Variants in KDM4C observed in about 807,000 individuals in gnomAD.
The protein encoded by KDM4C is lysine demethylase 4C.
KDM4C carries 81 observed loss-of-function variants against 129.3 expected under a neutral mutation model. The observed-to-expected ratio is 0.63, with a 90% CI of 0.52 to 0.75. KDM4C has a LOEUF of 0.75. KDM4C is among the 30% of genes least tolerant of loss of function. The pLI is 0.00. For synonymous variants in KDM4C, 573 were observed against 456.1 expected, an observed-to-expected ratio of 1.26 and a Z score of -3.26; for missense variants, 1,457 against 1,304.0, an observed-to-expected ratio of 1.12 and a Z score of -1.81.
At chr9:6,819,871 T>G (rs1170054067) in intron 4 of KDM4C, among the ~76,000 whole-genome samples, 1 of 152,224 alleles carries the variant, frequency 6.6e-6, no homozygotes, top group Non-Finnish European at 1.5e-5. Flanking sequence ...AGTATTTAAA[T>G]TGTACCAAGA....
intron 1 of KDM4C, among the ~76,000 whole-genome samples, chr9:6,761,345 T>C (rs1819454346): frequency 6.6e-6 from 1 of 152,024 alleles, no homozygotes; most frequent in African/African-American, 2.4e-5. Flanking sequence ...TGTTCTTTTT[T>C]TTTTTGGAGA....
intron 1 of KDM4C, among the ~76,000 whole-genome samples, chr9:6,775,291 A>T (rs888980931): frequency 1.3e-5 from 2 of 151,998 alleles, no homozygotes; most frequent in African/African-American, 4.8e-5. Flanking sequence ...TGCTGGGATT[A>T]CAGACGTGAG....
At chr9:7,007,161 A>G (rs1251655420) in intron 12 of KDM4C, among the ~76,000 whole-genome samples, 3 of 152,200 alleles carry the variant, frequency 2.0e-5, no homozygotes, top group Non-Finnish European at 1.5e-5. Flanking sequence ...CTTATTTAGG[A>G]CAAAGTTCCA....
intron 19 of KDM4C, among the ~76,000 whole-genome samples, chr9:7,136,459 G>C (rs1841216136): frequency 6.6e-6 from 1 of 152,176 alleles, no homozygotes; most frequent in Non-Finnish European, 1.5e-5. Context: ...CAACATTTGA[G>C]GTTACAGTTT....
intron 18 of KDM4C, among the ~76,000 whole-genome samples, chr9:7,123,075 T>A (rs1839674539): frequency 6.6e-6 from 1 of 152,216 alleles, no homozygotes; most frequent in Non-Finnish European, 1.5e-5. Context: ...TATGAAAGAA[T>A]CCATTTCCCT....
chr9:6,734,994 G>C (rs1049835514), intron 1 of KDM4C: 4 of 556,134 alleles, frequency 7.2e-6, no homozygotes, highest in Non-Finnish European at 1.4e-5. Flanking sequence ...CAAGTTGATA[G>C]GGTTTGGGTA....
chr9:7,054,077 A>T (rs1183969350), intron 17 of KDM4C, among the ~76,000 whole-genome samples: 2 of 152,236 alleles, frequency 1.3e-5, no homozygotes, highest in Non-Finnish European at 2.9e-5. Flanking sequence ...TCCTTGTGGC[A>T]AGTCCTATTA....
rs567249394 is a variant in KDM4C, at chr9:6,823,259, A to G, written c.435+8514A>G. The stretch of plus-strand genomic sequence containing the variant: ...TGGCTTTCCAGTTTAAATGCCTCAT[A>G]GCATAACATGCAGGTCAGTCTTCAG... On this transcript the variant is annotated intron_variant, in intron 4 of 21. Transcript: ENST00000381309. Among the ~76,000 whole-genome samples the G allele has an allele frequency of 3.3e-5, 5 of 152,300 alleles. No homozygotes were observed. The East Asian group carries it at 9.7e-4, about 29-fold the overall frequency.
At chr9:6,979,359 G>A (rs1200993002) in intron 8 of KDM4C, among the ~76,000 whole-genome samples, 2 of 152,204 alleles carry the variant, frequency 1.3e-5, no homozygotes, top group Non-Finnish European at 2.9e-5. Flanking sequence ...TCAGAGCCGA[G>A]GATGAAGTTT....
chr9:7,110,378 T>A (rs1425286905), intron 18 of KDM4C, among the ~76,000 whole-genome samples: 1 of 152,116 alleles, frequency 6.6e-6, no homozygotes, highest in Non-Finnish European at 1.5e-5. Context: ...TGGTTCAGGG[T>A]TCATGTTGAT....
chr9:6,863,509 A>C (rs1394934750), intron 5 of KDM4C, among the ~76,000 whole-genome samples: 1 of 152,116 alleles, frequency 6.6e-6, no homozygotes, highest in Non-Finnish European at 1.5e-5. Context: ...GGTAAGAGAG[A>C]GAAGGGGCTG....
intron 18 of KDM4C, among the ~76,000 whole-genome samples, chr9:7,104,509 GAA>G (rs1320759227): frequency 1.3e-5 from 2 of 152,182 alleles, no homozygotes; most frequent in Non-Finnish European, 1.5e-5. Flanking sequence ...TTATTTCTGG[GAA>G]AAGTGTTTGC....
At chr9:6,977,909 G>C (rs567367475) in intron 8 of KDM4C, among the ~76,000 whole-genome samples, 1 of 152,082 alleles carries the variant, frequency 6.6e-6, no homozygotes, top group South Asian at 2.1e-4. Flanking sequence ...GTTAGATGCA[G>C]TATTCTGATT....
intron 5 of KDM4C, among the ~76,000 whole-genome samples, chr9:6,869,734 G>C (rs1239068058): frequency 2.6e-5 from 4 of 152,210 alleles, no homozygotes; most frequent in Admixed American, 6.5e-5. Flanking sequence ...TATGTTCTTG[G>C]GGGAGGGAAC....
intron 17 of KDM4C, among the ~76,000 whole-genome samples, chr9:7,095,931 G>A (rs756948096): frequency 6.6e-6 from 1 of 152,212 alleles, no homozygotes. Context: ...TAGGAAATAG[G>A]TGCTCTTTAA....
chr9:6,888,081 T>C lies in KDM4C; in HGVS notation c.783+18T>C. 2 of 1,262,364 alleles carry C rather than the reference T, an allele frequency of 1.6e-6. No homozygotes were observed. The highest frequency in any genetic ancestry group is 1.9e-4 in the Middle Eastern group (1 of 5,234). 78.2% of individuals were successfully genotyped at this position (1,262,364 alleles called of 1,614,324 possible). On this transcript the variant is annotated intron_variant, in intron 7 of 21. Transcript: ENST00000381309. ...TTGACAAGGTATGTTAGTATTCATC[T>C]TACACAAATTAATTTTGTTTGTGTA...
chr9:6,788,141 C>A (rs1825848297), intron 1 of KDM4C, among the ~76,000 whole-genome samples: 2 of 152,160 alleles, frequency 1.3e-5, no homozygotes, highest in South Asian at 4.1e-4. Flanking sequence ...CCCTTGCCTA[C>A]CCTGTATAAA....
chr9:6,829,378 A>AG (rs1263662926), intron 4 of KDM4C, among the ~76,000 whole-genome samples: 1 of 152,230 alleles, frequency 6.6e-6, no homozygotes, highest in African/African-American at 2.4e-5. Flanking sequence ...GGAAAGTATT[A>AG]GGGACACAGC....
chr9:6,908,164 T>C (rs1325808547), intron 8 of KDM4C, among the ~76,000 whole-genome samples: 4 of 152,240 alleles, frequency 2.6e-5, no homozygotes, highest in Non-Finnish European at 5.9e-5. Context: ...TACTATTGTT[T>C]ATATTCCCTT....
Sources: allele counts gnomAD v4.1 joint callset (sites outside exome capture counted in the v4.1 genomes callset), GRCh38; gene constraint gnomAD v4.1.1; transcripts MANE v1.5; gene names NCBI Gene and HGNC (gene_info 2026-07-23, HGNC 2026-07-21).